The following PABIR3 variants were observed in gnomAD, a reference collection of about 807,000 sequenced individuals.
The protein encoded by PABIR3 is PABIR family member 1.
PABIR3 carries 20 observed loss-of-function variants against 23.1 expected under a neutral mutation model. The ratio of observed to expected loss-of-function variants is 0.86; its 90% confidence interval spans 0.61 to 1.26. The LOEUF (loss-of-function observed/expected upper bound fraction) is 1.26. Ranked by LOEUF, PABIR3 falls within the 50% of genes most tolerant of loss-of-function variation. The pLI is 0.00. For synonymous variants in PABIR3, 69 were observed against 68.5 expected (o/e 1.01, Z -0.04); for missense variants, 189 against 195.4 (o/e 0.97, Z 0.20).
chrX:134,852,780 G>T lies in PABIR3; in HGVS notation c.590-20G>T. The T allele has an allele frequency of 1.0e-6, 1 of 993,224 alleles. No individual in the cohort carries two copies. Among genetic ancestry groups the T allele is most frequent in the East Asian group, 3.6e-5 (1 of 27,423 alleles). 81.9% of individuals were successfully genotyped at this position (993,224 alleles called of 1,213,427 possible). A position where few individuals can be genotyped will look rare whatever the true frequency, so the allele number is the denominator to read the frequency against. On this transcript the variant is annotated intron_variant, in intron 9 of 10. Coordinates refer to ENST00000645433, the MANE Select transcript of PABIR3 (RefSeq NM_001388447.1). ...ACATGTTAAATAAAACATCTACCTT[G>T]ATCTGCTGTATTGTCATAGGTGAAA...
At chrX:134,824,212 C>A (rs1252981460) in intron 3 of PABIR3, among the ~76,000 whole-genome samples, 1 of 111,853 alleles carries the variant, frequency 8.9e-6, no homozygotes, top group Non-Finnish European at 1.9e-5. Context: ...GACTGCATAA[C>A]CCCTTGGACA....
chrX:134,834,813 TG>T (rs1377520107), intron 4 of PABIR3, among the ~76,000 whole-genome samples: 1 of 111,887 alleles, frequency 8.9e-6, no homozygotes, highest in African/African-American at 3.2e-5. Context: ...GAAGAGCAGA[TG>T]GTTGTATATG....
intron 9 of PABIR3, among the ~76,000 whole-genome samples, chrX:134,850,541 A>G (rs963502328): frequency 8.9e-6 from 1 of 111,890 alleles, no homozygotes; most frequent in East Asian, 2.8e-4. Context: ...CAAATATATC[A>G]GCAGTTTAAG....
downstream of PABIR3, among the ~76,000 whole-genome samples, chrX:134,856,031 A>G (rs1415146939): frequency 9.0e-6 from 1 of 111,455 alleles, no homozygotes; most frequent in Non-Finnish European, 1.9e-5. Context: ...AGTTTCGCAG[A>G]ATGTTCAAGC....
intron 3 of PABIR3, among the ~76,000 whole-genome samples, chrX:134,817,210 G>A (rs2081035354): frequency 9.0e-6 from 1 of 111,307 alleles, no homozygotes. Flanking sequence ...AAAAAATATT[G>A]CTTGCTAATC....
In PABIR3 at chrX:134,854,373, C is replaced by G; in HGVS notation, c.*156C>G. ...CTTTTTTCCTCAATTTCCTAAAATTCTATTTATCTACAGAACTTGCGTGTA... is the reference window on the plus strand; with the variant it reads ...CTTTTTTCCTCAATTTCCTAAAATTGTATTTATCTACAGAACTTGCGTGTA... On this transcript the variant is annotated 3_prime_UTR_variant, in exon 11 of 11. Transcript: ENST00000645433. 1.8e-6 allele frequency: 1 copy of G among 562,833 alleles called. No homozygotes were observed. Among genetic ancestry groups the G allele is most frequent in the Non-Finnish European group, 2.5e-6 (1 of 394,005 alleles). 46.4% of individuals were successfully genotyped at this position (562,833 alleles called of 1,213,427 possible). A position where few individuals can be genotyped will look rare whatever the true frequency, so the allele number is the denominator to read the frequency against.
At chrX:134,838,595 G>GC (rs1286052834) in intron 4 of PABIR3, 1 of 96,340 alleles carries the variant, frequency 1.0e-5, no homozygotes, top group African/African-American at 4.3e-5. Context: ...AAGCCACTGT[G>GC]CCTGGCCAAA....
chrX:134,821,265 A>AAC, intron 3 of PABIR3: 1 of 982,509 alleles, frequency 1.0e-6, no homozygotes, highest in Non-Finnish European at 1.3e-6. Flanking sequence ...AAAAAAAAAA[A>AAC]AACTGTTCCC....
rs1441505469 is a variant in PABIR3 at position 134,847,461 on chromosome X, A to G, written c.424A>G (p.Lys142Glu). 1 of 1,193,885 alleles carries G rather than the reference A, an allele frequency of 8.4e-7. No individual in the cohort carries two copies. The highest frequency in any genetic ancestry group is 1.8e-5 in the African/African-American group (1 of 57,027). The change falls in exon 7 of 11, where the codon AAG (lysine) becomes GAG (glutamate). Residue 142 changes from lysine to glutamate, a missense_variant. By Grantham distance (56) the Lys-to-Glu change is moderately conservative. Coordinates refer to ENST00000645433, the MANE Select transcript of PABIR3 (RefSeq NM_001388447.1). ...TPVSSMASSI[K>E]KTGKQCFSPS... ...AGTATCCTCAATGGCTTCTTCCATC[A>G]AGAAGACTGGGAAGGTAAGAAAGGA...
At chrX:134,840,356 A>T (rs765810023) in intron 4 of PABIR3, among the ~76,000 whole-genome samples, 41 of 104,381 alleles carry the variant, frequency 3.9e-4, no homozygotes, top group South Asian at 1.7e-3. Flanking sequence ...AATGATCAAT[A>T]AAAAAAAAAA....
intron 3 of PABIR3, among the ~76,000 whole-genome samples, chrX:134,823,895 T>C (rs1196493295): frequency 9.0e-6 from 1 of 111,027 alleles, no homozygotes; most frequent in African/African-American, 3.3e-5. Flanking sequence ...TCACAGTATC[T>C]AATGTTGAGA....
At chrX:134,825,828 CTTTTT>C (rs61066719) in intron 3 of PABIR3, among the ~76,000 whole-genome samples, 1 of 73,833 alleles carries the variant, frequency 1.4e-5, no homozygotes, top group Non-Finnish European at 2.5e-5. Context: ...ACGCCCGGAT[CTTTTT>C]TTTTTTTTTT....
chrX:134,843,204 A>G (rs1037634050), intron 4 of PABIR3, among the ~76,000 whole-genome samples: 10 of 111,149 alleles, frequency 9.0e-5, no homozygotes, highest in Non-Finnish European at 1.5e-4. Context: ...ATCTCAGAAA[A>G]AAAAAAAAGT....
chrX:134,814,733 G>T, intron 2 of PABIR3, 38 bp from the exon 3 acceptor site: 2 of 983,634 alleles, frequency 2.0e-6, no homozygotes, highest in Non-Finnish European at 1.4e-6. Flanking sequence ...ATTTTGTAAT[G>T]GATTTTATAT....
chrX:134,808,473 C>T (rs1284619537), intron 2 of PABIR3, among the ~76,000 whole-genome samples: 1 of 111,645 alleles, frequency 9.0e-6, no homozygotes, highest in Non-Finnish European at 1.9e-5. Context: ...CTCCACCTCC[C>T]GGGTTCACGC....
rs2082488250 is a variant in PABIR3, at chrX:134,847,929, C to T, written c.485C>T (p.Ser162Leu). The change falls in exon 8 of 11, where the codon TCG (serine) becomes TTG (leucine). Residue 162 changes from serine to leucine, a missense_variant. Ser to Leu is a moderately radical substitution (Grantham distance 145). Coordinates refer to ENST00000645433, the MANE Select transcript of PABIR3 (RefSeq NM_001388447.1). ...CAAACTTGTGTGAGTTGCACTGGTTCGCCTTCAAGTCCTATTCCCAGTCCT... is the reference window on the plus strand; with the variant it reads ...CAAACTTGTGTGAGTTGCACTGGTTTGCCTTCAAGTCCTATTCCCAGTCCT... ...SLQTCVSCTG[S>L]PSSPIPSPMQ... 4 of 1,153,135 alleles carry T rather than the reference C, an allele frequency of 3.5e-6. No homozygotes were observed. The highest frequency in any genetic ancestry group is 2.6e-5 in the Admixed American group (1 of 38,287).
chrX:134,801,974 C>T (rs1258286399), intron 1 of PABIR3, among the ~76,000 whole-genome samples: 1 of 109,439 alleles, frequency 9.1e-6, no homozygotes, highest in Non-Finnish European at 1.9e-5. Context: ...GATGAGCTGC[C>T]GGGGACTAAC....
chrX:134,854,337 C>A lies in PABIR3; in HGVS notation c.*120C>A. On this transcript the variant is annotated 3_prime_UTR_variant, in exon 11 of 11. Transcript: ENST00000645433. ...AATTGTACTGTATAATTTAAACTAT[C>A]TCCTATTTATCTTTTTTCCTCAATT... is the stretch of plus-strand genomic sequence containing the variant. The A allele has an allele frequency of 1.3e-6, 1 of 793,357 alleles. No homozygotes were observed. The highest frequency in any genetic ancestry group is 1.7e-6 in the Non-Finnish European group (1 of 601,928). 65.4% of individuals were successfully genotyped at this position (793,357 alleles called of 1,213,427 possible). A position where few individuals can be genotyped will look rare whatever the true frequency, so the allele number is the denominator to read the frequency against.
At chrX:134,862,648 T>C in the PABIR3 span, among the ~76,000 whole-genome samples, 1 of 112,100 alleles carries the variant, frequency 8.9e-6, no homozygotes, top group Non-Finnish European at 1.9e-5. Flanking sequence ...ATTACTTGTG[T>C]AATCAAGAAA....
Sources: allele counts gnomAD v4.1 joint callset (sites outside exome capture counted in the v4.1 genomes callset), GRCh38; gene constraint gnomAD v4.1.1; transcripts MANE v1.5; gene names NCBI Gene and HGNC (gene_info 2026-07-23, HGNC 2026-07-21).